Variants in MDGA2 observed in about 807,000 individuals in gnomAD.
MDGA2 encodes the protein MAM domain-containing glycosylphosphatidylinositol anchor protein 2.
A neutral mutation model predicts 117.8 loss-of-function variants in MDGA2; 40 were observed. The observed-to-expected ratio is 0.34, with a 90% CI of 0.26 to 0.44. The LOEUF (loss-of-function observed/expected upper bound fraction) is 0.44. Ranked by LOEUF, MDGA2 falls within the 20% of genes least tolerant of loss-of-function variation. The probability of loss-of-function intolerance (pLI) is 1.00; values close to 1 mark genes in which losing one functional copy is unlikely to be tolerated. For synonymous variants in MDGA2, 452 were observed against 439.0 expected (o/e 1.03, Z -0.37); for missense variants, 1,123 against 1,250.6 (o/e 0.90, Z 1.54).
chr14:47,185,365 C>A (rs1476864504), intron 3 of MDGA2, among the ~76,000 whole-genome samples: 2 of 151,318 alleles, frequency 1.3e-5, no homozygotes, highest in Admixed American at 6.6e-5. Context: ...CTTAATTAAT[C>A]CTAAAAGCAC....
At chr14:47,507,986 C>G (rs1041552469) in intron 1 of MDGA2, among the ~76,000 whole-genome samples, 1 of 152,172 alleles carries the variant, frequency 6.6e-6, no homozygotes, top group African/African-American at 2.4e-5. Flanking sequence ...AGTCTTGCCT[C>G]TATCTAAATA....
At chr14:47,309,952 CAT>C (rs1889581281) in intron 1 of MDGA2, among the ~76,000 whole-genome samples, 1 of 151,976 alleles carries the variant, frequency 6.6e-6, no homozygotes, top group Non-Finnish European at 1.5e-5. Flanking sequence ...AAAAAGCAAT[CAT>C]ATTTTCTGTG....
At chr14:47,407,456 C>T (rs1892281685) in intron 1 of MDGA2, among the ~76,000 whole-genome samples, 1 of 151,844 alleles carries the variant, frequency 6.6e-6, no homozygotes, top group African/African-American at 2.4e-5. Flanking sequence ...TATATTTTGC[C>T]TTTATTCAAC....
chr14:47,609,272 G>A (rs904896590), intron 1 of MDGA2, among the ~76,000 whole-genome samples: 4 of 149,848 alleles, frequency 2.7e-5, no homozygotes, highest in African/African-American at 4.9e-5. Context: ...ATGCTTTTGC[G>A]TCCTCATAGC....
At chr14:47,152,976 C>A (rs1331946604) in intron 3 of MDGA2, among the ~76,000 whole-genome samples, 1 of 152,114 alleles carries the variant, frequency 6.6e-6, no homozygotes, top group Non-Finnish European at 1.5e-5. Flanking sequence ...AAGTAGCACA[C>A]ATAAAGCTCT....
At chr14:47,593,233 A>G (rs531997802) in intron 1 of MDGA2, among the ~76,000 whole-genome samples, 92 of 152,314 alleles carry the variant, frequency 6.0e-4, no homozygotes, top group African/African-American at 2.2e-3. Context: ...AAGAAACAAC[A>G]GATGCTGGCA....
chr14:47,565,316 C>G (rs913389030), intron 1 of MDGA2, among the ~76,000 whole-genome samples: 3 of 152,148 alleles, frequency 2.0e-5, no homozygotes, highest in African/African-American at 7.2e-5. Flanking sequence ...GTTTGCTTTT[C>G]TATCTTCTTT....
intron 6 of MDGA2, among the ~76,000 whole-genome samples, chr14:47,093,547 T>A (rs1879792088): frequency 6.6e-6 from 1 of 152,078 alleles, no homozygotes; most frequent in Admixed American, 6.6e-5. Flanking sequence ...ATTAGGCAAC[T>A]GCTTCTCTCC....
At chr14:47,341,360 T>C (rs1890616463) in intron 1 of MDGA2, among the ~76,000 whole-genome samples, 2 of 152,208 alleles carry the variant, frequency 1.3e-5, no homozygotes, top group Non-Finnish European at 2.9e-5. Context: ...ACACATGTCA[T>C]AGAGTGAAGT....
intron 7 of MDGA2, among the ~76,000 whole-genome samples, chr14:47,036,412 T>C (rs529237127): frequency 2.6e-5 from 4 of 152,330 alleles, no homozygotes; most frequent in South Asian, 4.1e-4. Flanking sequence ...TGTTAGAATT[T>C]AGTGAAAACC....
intron 10 of MDGA2, among the ~76,000 whole-genome samples, chr14:46,894,263 A>G (rs1882994265): frequency 6.6e-6 from 1 of 152,132 alleles, no homozygotes; most frequent in African/African-American, 2.4e-5. Context: ...AGCAGAAGAT[A>G]ATATAAATAT....
chr14:46,880,662 C>T (rs1032869522), intron 11 of MDGA2, among the ~76,000 whole-genome samples: 6 of 151,442 alleles, frequency 4.0e-5, no homozygotes, highest in Admixed American at 3.9e-4. Context: ...ATTAGTAGGG[C>T]ATGGTGGCAC....
intron 3 of MDGA2, among the ~76,000 whole-genome samples, chr14:47,144,864 G>A (rs1398559533): frequency 3.6e-5 from 5 of 139,796 alleles, no homozygotes; most frequent in African/African-American, 1.4e-4. Context: ...TGTCCAGGCT[G>A]GTCTTAAACT....
At chr14:47,633,644 A>G (rs1897276491) in intron 1 of MDGA2, among the ~76,000 whole-genome samples, 1 of 152,212 alleles carries the variant, frequency 6.6e-6, no homozygotes, top group Non-Finnish European at 1.5e-5. Flanking sequence ...TACTGGTATC[A>G]CATCAGTAAT....
chr14:46,945,607 ATGCTTTTGC>A (rs1885145501), intron 9 of MDGA2, among the ~76,000 whole-genome samples: 1 of 151,990 alleles, frequency 6.6e-6, no homozygotes, highest in African/African-American at 2.4e-5. Flanking sequence ...CTGCAGATAG[ATGCTTTTGC>A]TGCTTTGAGT....
chr14:47,132,628 T>C (rs1882260090), intron 4 of MDGA2, among the ~76,000 whole-genome samples: 1 of 151,886 alleles, frequency 6.6e-6, no homozygotes, highest in Admixed American at 6.6e-5. Flanking sequence ...CAACAAAACG[T>C]AGTCTCCTGC....
intron 1 of MDGA2, among the ~76,000 whole-genome samples, chr14:47,466,148 C>T (rs1318816067): frequency 6.6e-6 from 1 of 151,984 alleles, no homozygotes; most frequent in East Asian, 1.9e-4. Context: ...AAGGGAACAA[C>T]AGACACTGGG....
At chr14:47,639,938 A>G (rs576724973) in intron 1 of MDGA2, among the ~76,000 whole-genome samples, 1 of 152,178 alleles carries the variant, frequency 6.6e-6, no homozygotes, top group Non-Finnish European at 1.5e-5. Flanking sequence ...TCATTACTGC[A>G]TCACTAGCTT....
chr14:47,128,636 A>G (rs1315442164), intron 5 of MDGA2, among the ~76,000 whole-genome samples: 7 of 151,478 alleles, frequency 4.6e-5, no homozygotes, highest in Admixed American at 2.0e-4. Flanking sequence ...ATTAACTTTT[A>G]TAAGTGCTAA....
Sources: gnomAD v4.1 joint callset for allele counts (sites outside exome capture counted in the v4.1 genomes callset) on GRCh38, gnomAD v4.1.1 for gene constraint, MANE v1.5 for transcripts, NCBI Gene and HGNC (gene_info 2026-07-23, HGNC 2026-07-21) for gene names.